The following RBFOX1 variants were observed in gnomAD, a reference collection of about 807,000 sequenced individuals.
RBFOX1 encodes the protein RNA binding fox-1 homolog 1, also known as RNA binding protein fox-1 homolog 1.
RBFOX1 carries 8 observed loss-of-function variants against 57.7 expected under a neutral mutation model. That is an observed-to-expected ratio of 0.14 (90% CI 0.08 to 0.25). The LOEUF (loss-of-function observed/expected upper bound fraction) is 0.25, where lower values mean the gene tolerates loss of function less well. RBFOX1 is among the 10% of genes least tolerant of loss of function. RBFOX1 has a pLI of 1.00. For synonymous variants in RBFOX1, 326 were observed against 222.4 expected (o/e 1.47, Z -4.15); for missense variants, 611 against 548.5 (o/e 1.11, Z -1.14).
At chr16:5,918,640 G>GA in intron 4 of RBFOX1, among the ~76,000 whole-genome samples, 1 of 152,190 alleles carries the variant, frequency 6.6e-6, no homozygotes, top group Non-Finnish European at 1.5e-5. Context: ...TAGACAGTGA[G>GA]CTGTAGGCAT....
chr16:6,003,772 C>T (rs1055453989), intron 4 of RBFOX1, among the ~76,000 whole-genome samples: 1 of 152,208 alleles, frequency 6.6e-6, no homozygotes, highest in African/African-American at 2.4e-5. Flanking sequence ...GTCTCAATCT[C>T]AAATGCCTCA....
At chr16:5,677,782 T>G (rs563085196) in intron 3 of RBFOX1, among the ~76,000 whole-genome samples, 3 of 152,178 alleles carry the variant, frequency 2.0e-5, no homozygotes, top group South Asian at 4.1e-4. Context: ...GGAAATTGCA[T>G]GTGGAAAGGC....
chr16:6,930,380 C>T (rs1386090802), intron 3 of RBFOX1, among the ~76,000 whole-genome samples: 1 of 152,124 alleles, frequency 6.6e-6, no homozygotes, highest in East Asian at 1.9e-4. Context: ...AATGAGATAC[C>T]ACCTCACACC....
chr16:6,806,627 C>CT, intron 3 of RBFOX1, among the ~76,000 whole-genome samples: 1 of 151,472 alleles, frequency 6.6e-6, no homozygotes, highest in African/African-American at 2.4e-5. Context: ...TAAAACATGT[C>CT]TTTTACCTAC....
chr16:6,390,136 T>C (rs1331907794), intron 2 of RBFOX1, among the ~76,000 whole-genome samples: 2 of 152,240 alleles, frequency 1.3e-5, no homozygotes, highest in Non-Finnish European at 2.9e-5. Flanking sequence ...ATCCGTTAAT[T>C]AGAAGGTTTG....
At chr16:6,601,454 C>G (rs953776670) in intron 2 of RBFOX1, among the ~76,000 whole-genome samples, 5 of 152,104 alleles carry the variant, frequency 3.3e-5, no homozygotes, top group African/African-American at 9.7e-5. Context: ...TCATTTACCT[C>G]TCCTCTTTGA....
intron 4 of RBFOX1, among the ~76,000 whole-genome samples, chr16:5,883,346 A>C (rs1355939842): frequency 6.6e-6 from 1 of 152,226 alleles, no homozygotes; most frequent in Non-Finnish European, 1.5e-5. Flanking sequence ...AAACCAATAA[A>C]CAATAACAAC....
intron 4 of RBFOX1, among the ~76,000 whole-genome samples, chr16:7,057,318 T>A (rs1334040492): frequency 6.6e-6 from 1 of 152,184 alleles, no homozygotes; most frequent in African/African-American, 2.4e-5. Flanking sequence ...AGAAAAGGCA[T>A]GCAACCAGGC....
chr16:5,916,639 C>G (rs531581184), intron 4 of RBFOX1, among the ~76,000 whole-genome samples: 2 of 152,074 alleles, frequency 1.3e-5, no homozygotes, highest in East Asian at 3.9e-4. Context: ...GGAGGACCTC[C>G]TAGAAGGGAG....
chr16:6,532,201 C>T (rs1678833633), intron 2 of RBFOX1, among the ~76,000 whole-genome samples: 1 of 152,144 alleles, frequency 6.6e-6, no homozygotes, highest in South Asian at 2.1e-4. Context: ...TCTTTATCTT[C>T]CAGAGTGGGA....
chr16:6,891,581 T>C (rs1235367314), intron 3 of RBFOX1, among the ~76,000 whole-genome samples: 2 of 152,204 alleles, frequency 1.3e-5, no homozygotes, highest in Non-Finnish European at 2.9e-5. Context: ...GCTCCAGGCA[T>C]AGCATTCCTC....
intron 5 of RBFOX1, 76 bp from the exon 6 acceptor site, chr16:7,579,701 A>G (rs1170488413): frequency 6.4e-7 from 1 of 1,566,164 alleles, no homozygotes; most frequent in African/African-American, 1.4e-5. Context: ...CCTGCCACTC[A>G]TGGCAAGCAA....
chr16:6,621,797 A>G (rs2098236570), intron 2 of RBFOX1, among the ~76,000 whole-genome samples: 1 of 152,214 alleles, frequency 6.6e-6, no homozygotes, highest in Admixed American at 6.5e-5. Flanking sequence ...GCAACCCCAG[A>G]TAAAGAACAT....
chr16:7,508,814 C>G (rs759281639), intron 4 of RBFOX1, among the ~76,000 whole-genome samples: 4 of 152,176 alleles, frequency 2.6e-5, no homozygotes, highest in African/African-American at 9.7e-5. Context: ...TTAATTACAA[C>G]TTTATTCACT....
intron 3 of RBFOX1, among the ~76,000 whole-genome samples, chr16:6,745,585 C>G (rs2073394698): frequency 6.6e-6 from 1 of 152,130 alleles, no homozygotes; most frequent in South Asian, 2.1e-4. Context: ...AGGCATTTGA[C>G]AAAATCCAAA....
At chr16:6,239,514 T>C (rs967944568) in intron 1 of RBFOX1, among the ~76,000 whole-genome samples, 20 of 106,688 alleles carry the variant, frequency 1.9e-4, no homozygotes, top group South Asian at 6.7e-4. Context: ...TTTTTTTTTT[T>C]CTGAGATAGA....
intron 3 of RBFOX1, among the ~76,000 whole-genome samples, chr16:5,776,894 G>A (rs926692483): frequency 5.9e-5 from 9 of 152,346 alleles, no homozygotes; most frequent in African/African-American, 2.2e-4. Context: ...TGCCATGGAT[G>A]TATGGATGTC....
rs8047897 is a variant in RBFOX1, at chr16:6,249,478, C to G, written c.-126-67517C>G. Among the ~76,000 whole-genome samples the G allele has an allele frequency of 3.6e-4, 54 of 151,970 alleles. 2 individuals carry two copies. Among genetic ancestry groups the G allele is most frequent in the Non-Finnish European group, 1.5e-5 (1 of 67,998 alleles). ...GGCAGAGATTGTAGTGAGCCAAGAT[C>G]GTGCCACTGCACTCCAGCTTGGGCG... On this transcript the variant is annotated intron_variant, in intron 1 of 15. Coordinates refer to ENST00000550418, the MANE Select transcript of RBFOX1 (RefSeq NM_018723.4).
intron 3 of RBFOX1, among the ~76,000 whole-genome samples, chr16:5,789,834 A>C (rs1329776850): frequency 6.6e-6 from 1 of 152,180 alleles, no homozygotes; most frequent in African/African-American, 2.4e-5. Context: ...TCCTGAATTC[A>C]CCATACACCA....
Sources: allele counts gnomAD v4.1 joint callset (sites outside exome capture counted in the v4.1 genomes callset), GRCh38; gene constraint gnomAD v4.1.1; transcripts MANE v1.5; gene names NCBI Gene and HGNC (gene_info 2026-07-23, HGNC 2026-07-21).